The following EXOC2 variants were observed in gnomAD, a reference collection of about 807,000 sequenced individuals.
EXOC2 encodes the protein SEC5-like 1.
EXOC2 carries 70 observed loss-of-function variants against 131.8 expected under a neutral mutation model. That is an observed-to-expected ratio of 0.53 (90% CI 0.44 to 0.65). EXOC2 has a LOEUF of 0.65. Ranked by LOEUF, EXOC2 falls within the 30% of genes least tolerant of loss-of-function variation. The pLI is 0.00. For synonymous variants in EXOC2, 411 were observed against 398.4 expected (o/e 1.03, Z -0.38); for missense variants, 923 against 1,108.6 (o/e 0.83, Z 2.38).
At chr6:577,613 G>A (rs543471055) in intron 11 of EXOC2, among the ~76,000 whole-genome samples, 28 of 152,164 alleles carry the variant, frequency 1.8e-4, no homozygotes, top group Non-Finnish European at 3.1e-4. Flanking sequence ...AAGGACATTG[G>A]CTTGAAGAGG....
chr6:589,648 G>A (rs376149026), intron 11 of EXOC2, among the ~76,000 whole-genome samples: 4 of 152,196 alleles, frequency 2.6e-5, no homozygotes, highest in Non-Finnish European at 4.4e-5. Flanking sequence ...AGGCCAGCTC[G>A]CACTGCACTT....
chr6:612,084 G>C (rs1450301404), intron 6 of EXOC2, among the ~76,000 whole-genome samples: 1 of 152,176 alleles, frequency 6.6e-6, no homozygotes, highest in African/African-American at 2.4e-5. Flanking sequence ...CCAGTGTTGG[G>C]CACAGAAGTA....
chr6:562,869 T>C (rs779909870), intron 16 of EXOC2, 24 bp from the exon 17 acceptor site: 1 of 1,505,036 alleles, frequency 6.6e-7, no homozygotes, highest in Admixed American at 2.0e-5. Flanking sequence ...AGCACACAAA[T>C]ACTTTATTAT....
intron 23 of EXOC2, among the ~76,000 whole-genome samples, chr6:526,560 C>T (rs1418894483): frequency 6.6e-6 from 1 of 150,734 alleles, no homozygotes; most frequent in Non-Finnish European, 1.5e-5. Context: ...CCTGCCTCAA[C>T]CTTCCGAGTA....
At chr6:578,514 G>GCC (rs1758710794) in intron 11 of EXOC2, among the ~76,000 whole-genome samples, 1 of 152,156 alleles carries the variant, frequency 6.6e-6, no homozygotes, top group Admixed American at 6.5e-5. Context: ...TCTGACTGAG[G>GCC]CCCTCCTACC....
rs141847670 is a variant in EXOC2, at chr6:486,674, T to A, written c.2772A>T (p.Thr924=). The A allele has an allele frequency of 3.7e-5, 59 of 1,613,946 alleles. No individual in the cohort carries two copies. In the African/African-American group the frequency reaches 7.6e-4, roughly 21 times the overall value. ...FQAASSTMMK[T] The stretch of plus-strand genomic sequence containing the variant: ...ACTTCTTTTATGTGGCAGATATTTA[T>A]GTTTTCATCATGGTTGAAGAAGCTG... Residue 924 remains threonine (T), a synonymous_variant, in exon 28 of 28, where the codon ACA becomes ACT. Transcript: ENST00000230449.
intron 23 of EXOC2, among the ~76,000 whole-genome samples, chr6:518,945 C>T (rs1561808409): frequency 6.6e-6 from 1 of 152,190 alleles, no homozygotes; most frequent in Non-Finnish European, 1.5e-5. Context: ...CTTAGGCTTC[C>T]CTCTTCAGAG....
chr6:656,761 C>T lies in EXOC2; in HGVS notation c.-43-18900G>A, dbSNP rs1394612855. The T allele has an allele frequency of 2.5e-6, 4 of 1,590,024 alleles. No homozygotes were observed. In the Admixed American group the frequency reaches 7.0e-5, roughly 28 times the overall value. On this transcript the variant is annotated intron_variant, in intron 1 of 27. Coordinates refer to ENST00000230449, the MANE Select transcript of EXOC2 (RefSeq NM_018303.6). ...CCTTCCATGCGAAACTGCTGGAAGG[C>T]CCCCTGCCGCACCTCGCACCACAGC... is the stretch of plus-strand genomic sequence containing the variant.
chr6:569,576 A>G (rs151117141), intron 13 of EXOC2, among the ~76,000 whole-genome samples: 5 of 152,356 alleles, frequency 3.3e-5, no homozygotes, highest in African/African-American at 9.6e-5. Flanking sequence ...CCAGAATTCA[A>G]TCCAGCTTCT....
At chr6:604,397 A>G (rs1000902583) in intron 7 of EXOC2, among the ~76,000 whole-genome samples, 12 of 152,012 alleles carry the variant, frequency 7.9e-5, no homozygotes, top group African/African-American at 2.4e-4. Flanking sequence ...TACTACACAC[A>G]TTACTGCTGA....
At chr6:630,264 A>G (rs954610017) in intron 3 of EXOC2, among the ~76,000 whole-genome samples, 9 of 110,324 alleles carry the variant, frequency 8.2e-5, no homozygotes, top group African/African-American at 3.2e-4. Context: ...AACATATTTT[A>G]CAAATAATAA....
At chr6:613,660 C>A (rs1426231389) in intron 6 of EXOC2, among the ~76,000 whole-genome samples, 2 of 152,140 alleles carry the variant, frequency 1.3e-5, no homozygotes, top group Non-Finnish European at 2.9e-5. Flanking sequence ...AACAATTTCC[C>A]CACATCCCAG....
In EXOC2 at chr6:493,973, GGCGGAT is replaced by G. The variant is rs1763581084; in HGVS notation, c.2560-2793_2560-2788del. On this transcript the variant is annotated intron_variant, in intron 25 of 27. Coordinates refer to ENST00000230449, the MANE Select transcript of EXOC2 (RefSeq NM_018303.6). ...GATTACGGAGGTAATGTGTAGAGAGGGCGGATGCCTGTTAAAATTCTAAGACTGCTA... is the reference window on the plus strand; with the variant it reads ...GATTACGGAGGTAATGTGTAGAGAGGGCCTGTTAAAATTCTAAGACTGCTA... Among the ~76,000 whole-genome samples the G allele has an allele frequency of 2.0e-5, 3 of 152,242 alleles. No individual in the cohort carries two copies. In the South Asian group the frequency reaches 6.2e-4, roughly 32 times the overall value.
rs116756395 is a variant in EXOC2, at chr6:571,113, T to C, written c.1443+1407A>G. Among the ~76,000 whole-genome samples the C allele has an allele frequency of 3.5e-3, 533 of 152,368 alleles. 3 individuals are homozygous for C. The highest frequency in any genetic ancestry group is 0.012 in the African/African-American group (494 of 41,582). ...CCAGCAATAAGCAACTCTCATTATG[T>C]AGACCTGCGAAACCTGACGTTCGTT... On this transcript the variant is annotated intron_variant, in intron 13 of 27. Coordinates refer to ENST00000230449, the MANE Select transcript of EXOC2 (RefSeq NM_018303.6).
chr6:589,560 C>T (rs1452590015), intron 11 of EXOC2, among the ~76,000 whole-genome samples: 2 of 152,238 alleles, frequency 1.3e-5, no homozygotes, highest in Non-Finnish European at 2.9e-5. Flanking sequence ...CTACCTCACA[C>T]TTTTCACTAT....
Position 625,645 on chromosome 6 carries a change from T to C in EXOC2, c.422+4190A>G, listed in dbSNP as rs186357982. Among the ~76,000 whole-genome samples the C allele has an allele frequency of 3.3e-5, 5 of 152,162 alleles. No individual in the cohort carries two copies. In the East Asian group the frequency reaches 9.7e-4, roughly 29 times the overall value. On this transcript the variant is annotated intron_variant, in intron 4 of 27. Coordinates refer to ENST00000230449, the MANE Select transcript of EXOC2 (RefSeq NM_018303.6). ...AGGCTCTTTTCTTCTGCACTCATAT[T>C]AAGAATTAATTTGCCGTCAGTTTTC...
At chr6:619,331 C>T (rs1761166625) in intron 5 of EXOC2, 99 bp downstream of exon 5, 5 of 897,020 alleles carry the variant, frequency 5.6e-6, no homozygotes, top group Non-Finnish European at 7.2e-6. Flanking sequence ...AACCATGTAA[C>T]TGTATGCAGA....
chr6:495,157 G>A (rs538510684), intron 25 of EXOC2, among the ~76,000 whole-genome samples: 106 of 128,924 alleles, frequency 8.2e-4, no homozygotes, highest in Admixed American at 2.8e-3. Flanking sequence ...ACGGAGTCTC[G>A]CTCTTTCGTC....
At position 556,416 on chromosome 6, in the gene EXOC2, A is replaced by G. The variant is rs1325309066; in HGVS notation, c.1932+68T>C. On this transcript the variant is annotated intron_variant, in intron 18 of 27. Coordinates refer to ENST00000230449, the MANE Select transcript of EXOC2 (RefSeq NM_018303.6). ...AAAGATCTTGCAGTACGATGAGTCA[A>G]AAATTTACAACTATGATTCCCAAGG... The G allele has an allele frequency of 3.9e-6, 6 of 1,537,044 alleles. No homozygotes were observed. The East Asian group carries it at 9.0e-5, about 23-fold the overall frequency.
Sources: allele counts gnomAD v4.1 joint callset (sites outside exome capture counted in the v4.1 genomes callset), GRCh38; gene constraint gnomAD v4.1.1; transcripts MANE v1.5; gene names NCBI Gene and HGNC (gene_info 2026-07-23, HGNC 2026-07-21).